Variants in IL1RAPL1 observed in about 807,000 individuals in gnomAD.
The protein encoded by IL1RAPL1 is interleukin 1 receptor accessory protein like 1.
IL1RAPL1 carries 3 observed loss-of-function variants against 48.4 expected under a neutral mutation model. That is an observed-to-expected ratio of 0.06 (90% confidence interval 0.03 to 0.16). The LOEUF (loss-of-function observed/expected upper bound fraction) is 0.16. IL1RAPL1 is among the 10% of genes least tolerant of loss of function. The probability of loss-of-function intolerance (pLI) is 1.00; values close to 1 mark genes in which losing one functional copy is unlikely to be tolerated. For missense variants in IL1RAPL1, 349 were observed against 530.6 expected (o/e 0.66, Z 3.36); for synonymous variants, 185 against 187.7 (o/e 0.99, Z 0.12).
intron 1 of IL1RAPL1, among the ~76,000 whole-genome samples, chrX:28,766,645 A>AT (rs1014930668): frequency 1.1e-4 from 12 of 110,034 alleles, no homozygotes; most frequent in African/African-American, 3.3e-4. Flanking sequence ...CATTCTTTCT[A>AT]TTTTTTTGTA....
intron 1 of IL1RAPL1, among the ~76,000 whole-genome samples, chrX:28,756,813 T>C (rs776645487): frequency 8.9e-6 from 1 of 111,884 alleles, no homozygotes; most frequent in Admixed American, 9.5e-5. Context: ...ACCTCAATTT[T>C]ATCTCTTGCT....
chrX:29,748,274 A>G (rs13441235), intron 6 of IL1RAPL1, among the ~76,000 whole-genome samples: 1,535 of 112,269 alleles, frequency 0.014, 25 homozygotes, highest in African/African-American at 0.047. Flanking sequence ...TTGATCATCA[A>G]ACATTTTCCA....
At chrX:29,909,952 G>A (rs986550092) in intron 6 of IL1RAPL1, among the ~76,000 whole-genome samples, 11 of 111,342 alleles carry the variant, frequency 9.9e-5, no homozygotes, top group Admixed American at 9.6e-4. Flanking sequence ...AAAGACACAT[G>A]CATGCGTACG....
chrX:29,617,492 A>C (rs141479228), intron 5 of IL1RAPL1, among the ~76,000 whole-genome samples: 47 of 112,280 alleles, frequency 4.2e-4, no homozygotes, highest in South Asian at 7.4e-4. Context: ...TGGTGAGTCA[A>C]TGAATCTCTC....
intron 5 of IL1RAPL1, among the ~76,000 whole-genome samples, chrX:29,474,846 T>A (rs759330406): frequency 9.0e-6 from 1 of 111,373 alleles, no homozygotes; most frequent in East Asian, 2.8e-4. Context: ...TTGGAGGGAA[T>A]ACACATCCAA....
At position 29,325,622 on chromosome X, in the gene IL1RAPL1, T is replaced by C. The variant is rs1360792694; in HGVS notation, c.362+42405T>C. 2.7e-5 allele frequency among the ~76,000 whole-genome samples: 3 copies of C among 112,557 alleles called. No homozygotes were observed. In the East Asian group the frequency reaches 8.3e-4, roughly 31 times the overall value. On this transcript the variant is annotated intron_variant, in intron 3 of 10. Transcript: ENST00000378993. Reference sequence around the variant, plus strand: ...TTAAATGCCTATTTGGCTACTTACTTGCACATTATTTGCAAGAATACTGAT... The same window carrying C: ...TTAAATGCCTATTTGGCTACTTACTCGCACATTATTTGCAAGAATACTGAT...
chrX:29,437,415 T>A (rs1187523197), intron 5 of IL1RAPL1, among the ~76,000 whole-genome samples: 2 of 110,829 alleles, frequency 1.8e-5, no homozygotes, highest in Non-Finnish European at 3.8e-5. Flanking sequence ...TCTTGCCTTA[T>A]TACACAGACT....
chrX:29,792,107 C>G (rs1452479504), intron 6 of IL1RAPL1, among the ~76,000 whole-genome samples: 1 of 111,603 alleles, frequency 9.0e-6, no homozygotes, highest in Admixed American at 9.5e-5. Context: ...ACTCCTCTTC[C>G]TTAAAACCAA....
At chrX:29,643,360 T>C (rs1259135619) in intron 5 of IL1RAPL1, among the ~76,000 whole-genome samples, 2 of 111,781 alleles carry the variant, frequency 1.8e-5, no homozygotes, top group Non-Finnish European at 3.8e-5. Flanking sequence ...CCATCTTAGA[T>C]GATCTGCCAG....
At chrX:29,636,894 C>T (rs912891365) in intron 5 of IL1RAPL1, among the ~76,000 whole-genome samples, 2 of 109,754 alleles carry the variant, frequency 1.8e-5, no homozygotes, top group African/African-American at 6.6e-5. Context: ...CAAAATTAGC[C>T]GGTGGTACAA....
chrX:28,885,794 C>T (rs1165145687), intron 2 of IL1RAPL1, among the ~76,000 whole-genome samples: 2 of 111,063 alleles, frequency 1.8e-5, no homozygotes, highest in Non-Finnish European at 3.8e-5. Context: ...CCTGCTTCAA[C>T]ATTATGAAGA....
At chrX:29,939,746 CATTTA>C (rs1933093428) in intron 8 of IL1RAPL1, among the ~76,000 whole-genome samples, 1 of 111,892 alleles carries the variant, frequency 8.9e-6, no homozygotes, top group Non-Finnish European at 1.9e-5. Flanking sequence ...TTCAATTTCC[CATTTA>C]ATTTTAATAA....
At chrX:29,178,954 T>C (rs1464477042) in intron 2 of IL1RAPL1, among the ~76,000 whole-genome samples, 1 of 111,812 alleles carries the variant, frequency 8.9e-6, no homozygotes, top group Non-Finnish European at 1.9e-5. Flanking sequence ...CATTGGTCTA[T>C]ATCTCTGTTT....
intron 5 of IL1RAPL1, among the ~76,000 whole-genome samples, chrX:29,578,547 A>G (rs1326327046): frequency 4.5e-5 from 5 of 112,001 alleles, no homozygotes; most frequent in Non-Finnish European, 7.5e-5. Context: ...CTTCCAATCT[A>G]GGGAGAGAGA....
chrX:28,715,155 C>G (rs764122756), intron 1 of IL1RAPL1, among the ~76,000 whole-genome samples: 1 of 112,321 alleles, frequency 8.9e-6, no homozygotes, highest in Non-Finnish European at 1.9e-5. Flanking sequence ...AAGTAAAACA[C>G]TCCTCAGCAA....
chrX:29,906,108 A>ATG (rs1932609231), intron 6 of IL1RAPL1, among the ~76,000 whole-genome samples: 1 of 109,389 alleles, frequency 9.1e-6, no homozygotes, highest in Non-Finnish European at 1.9e-5. Flanking sequence ...AGGCCGAGGC[A>ATG]GGTGGATCAC....
At chrX:29,946,198 T>C (rs958424471) in intron 9 of IL1RAPL1, among the ~76,000 whole-genome samples, 3 of 112,426 alleles carry the variant, frequency 2.7e-5, no homozygotes, top group Non-Finnish European at 5.6e-5. Flanking sequence ...ATCCTTCACA[T>C]TCTAACAGAA....
intron 2 of IL1RAPL1, among the ~76,000 whole-genome samples, chrX:28,896,147 G>C (rs1339599003): frequency 8.9e-6 from 1 of 112,048 alleles, no homozygotes; most frequent in East Asian, 2.8e-4. Flanking sequence ...GCTGGGGTTT[G>C]TCTCACAGTG....
chrX:29,637,281 C>CATATATATATAT (rs58166479), intron 5 of IL1RAPL1, among the ~76,000 whole-genome samples: 4 of 98,918 alleles, frequency 4.0e-5, no homozygotes, highest in African/African-American at 1.5e-4. Context: ...ATATATATAA[C>CATATATATATAT]ATATATATAT....
Sources: allele counts gnomAD v4.1 joint callset (sites outside exome capture counted in the v4.1 genomes callset), GRCh38; gene constraint gnomAD v4.1.1; transcripts MANE v1.5; gene names NCBI Gene and HGNC (gene_info 2026-07-23, HGNC 2026-07-21).